GPC5: variants seen among roughly 807,000 people sequenced by gnomAD.
GPC5 encodes glypican-5.
Under a neutral mutation model 53.9 loss-of-function variants are expected in GPC5, and 47 were observed. The ratio of observed to expected loss-of-function variants is 0.87; its 90% CI spans 0.69 to 1.11. The LOEUF is 1.11. Among genes scored for constraint, GPC5 ranks in the 50% most tolerant of loss-of-function variants. The pLI is 0.00. For synonymous variants in GPC5, 286 were observed against 263.3 expected, an observed-to-expected ratio of 1.09 and a Z score of -0.84; for missense variants, 748 against 713.1, an observed-to-expected ratio of 1.05 and a Z score of -0.56.
chr13:92,685,831 C>T (rs200525408), intron 7 of GPC5, among the ~76,000 whole-genome samples: 1,886 of 75,030 alleles, frequency 0.025, 35 homozygotes, highest in African/African-American at 0.057. Context: ...TTTGTTCTTG[C>T]GATAGTTTAC....
At position 91,538,838 on chromosome 13, in the gene GPC5, CT is replaced by C. The variant is rs758821046; in HGVS notation, c.325+89917del. Among the ~76,000 whole-genome samples, 66 of 148,062 alleles carry C rather than the reference CT, an allele frequency of 4.5e-4. 2 individuals are homozygous for C. Among genetic ancestry groups the C allele is most frequent in the Middle Eastern group, 3.4e-3 (1 of 292 alleles). ...ACCTCATGGTCCACCCCGCCCCCCC[CT>C]CAGCCTCCCAAAGTGCTGGGATTAC... On this transcript the variant is annotated intron_variant, in intron 2 of 7. Transcript: ENST00000377067.
chr13:92,155,014 T>G (rs1226318508), intron 7 of GPC5, among the ~76,000 whole-genome samples: 1 of 152,198 alleles, frequency 6.6e-6, no homozygotes. Context: ...ATACTAGAGA[T>G]ACAGAGATAG....
At chr13:91,952,733 G>C (rs935556554) in intron 6 of GPC5, among the ~76,000 whole-genome samples, 16 of 151,340 alleles carry the variant, frequency 1.1e-4, no homozygotes, top group African/African-American at 3.6e-4. Context: ...GCACATTCAA[G>C]AAAAAAAATA....
intron 7 of GPC5, among the ~76,000 whole-genome samples, chr13:92,400,441 C>T (rs544964122): frequency 2.0e-4 from 30 of 152,278 alleles, no homozygotes; most frequent in African/African-American, 7.2e-4. Flanking sequence ...TATGCTTATC[C>T]GTGCCATACA....
At chr13:92,535,508 T>C (rs1368476568) in intron 7 of GPC5, among the ~76,000 whole-genome samples, 2 of 152,062 alleles carry the variant, frequency 1.3e-5, no homozygotes, top group Non-Finnish European at 2.9e-5. Context: ...GAAGCAATCG[T>C]GATGAATGAG....
At chr13:91,932,346 C>T (rs2139033366) in intron 6 of GPC5, among the ~76,000 whole-genome samples, 1 of 152,052 alleles carries the variant, frequency 6.6e-6, no homozygotes, top group East Asian at 1.9e-4. Context: ...GGGCATGAGT[C>T]TAGAAAATTT....
At chr13:92,829,041 C>A (rs9523812) in intron 7 of GPC5, among the ~76,000 whole-genome samples, 2 of 152,088 alleles carry the variant, frequency 1.3e-5, no homozygotes, top group South Asian at 4.2e-4. Flanking sequence ...TGCACCCTCC[C>A]GAGACGTTTA....
chr13:91,511,875 C>T (rs1053278332), intron 2 of GPC5, among the ~76,000 whole-genome samples: 2 of 151,838 alleles, frequency 1.3e-5, no homozygotes, highest in African/African-American at 4.8e-5. Context: ...TGATGGTGGG[C>T]CTTTTTTTGT....
At chr13:92,692,752 C>CTTTTTTTTTTTTTTTT (rs1457273874) in intron 7 of GPC5, among the ~76,000 whole-genome samples, 2 of 61,288 alleles carry the variant, frequency 3.3e-5, no homozygotes, top group South Asian at 6.9e-4. Flanking sequence ...CCAATATCGG[C>CTTTTTTTTTTTTTTTT]TATTTTTTTT....
At chr13:92,589,469 A>G (rs753030785) in intron 7 of GPC5, among the ~76,000 whole-genome samples, 1 of 152,144 alleles carries the variant, frequency 6.6e-6, no homozygotes, top group South Asian at 2.1e-4. Flanking sequence ...ATCCTGCCCC[A>G]TTATGCCCAA....
intron 6 of GPC5, among the ~76,000 whole-genome samples, chr13:91,911,202 A>G (rs1566337356): frequency 6.6e-6 from 1 of 152,134 alleles, no homozygotes; most frequent in Admixed American, 6.6e-5. Flanking sequence ...GGCTCTGGTA[A>G]AGAGTTTATA....
chr13:92,563,117 G>T (rs1882748813), intron 7 of GPC5, among the ~76,000 whole-genome samples: 1 of 151,922 alleles, frequency 6.6e-6, no homozygotes, highest in South Asian at 2.1e-4. Flanking sequence ...TAAAGACCCA[G>T]CATATAGCCA....
At chr13:91,856,642 CT>C (rs1172468003) in intron 5 of GPC5, among the ~76,000 whole-genome samples, 1 of 151,094 alleles carries the variant, frequency 6.6e-6, no homozygotes, top group Non-Finnish European at 1.5e-5. Flanking sequence ...ATTAGGATAA[CT>C]TTTTCTGATT....
chr13:91,696,378 AC>A (rs1447736050), intron 3 of GPC5, among the ~76,000 whole-genome samples: 2 of 152,184 alleles, frequency 1.3e-5, no homozygotes, highest in Admixed American at 1.3e-4. Context: ...TCTAAATAAA[AC>A]AACTGAGTCC....
intron 7 of GPC5, among the ~76,000 whole-genome samples, chr13:92,696,024 G>A (rs1279135579): frequency 6.6e-6 from 1 of 152,286 alleles, no homozygotes; most frequent in South Asian, 2.1e-4. Context: ...AAAAGGACAT[G>A]AACTCATCCT....
chr13:91,586,563 T>TATATAG (rs2032599001), intron 2 of GPC5, among the ~76,000 whole-genome samples: 1 of 41,976 alleles, frequency 2.4e-5, no homozygotes. Context: ...TATATATATG[T>TATATAG]AGAGAGAGAG....
At chr13:92,862,787 T>G (rs1278210135) in intron 7 of GPC5, among the ~76,000 whole-genome samples, 1 of 152,166 alleles carries the variant, frequency 6.6e-6, no homozygotes, top group Admixed American at 6.5e-5. Context: ...ACGAGCAAAT[T>G]AACAATGTAT....
intron 7 of GPC5, among the ~76,000 whole-genome samples, chr13:92,392,161 G>T (rs1875034192): frequency 6.6e-6 from 1 of 152,082 alleles, no homozygotes; most frequent in African/African-American, 2.4e-5. Context: ...ACAATTACTT[G>T]TTTTTCTAAA....
chr13:92,380,677 C>T (rs775162822), intron 7 of GPC5, among the ~76,000 whole-genome samples: 2 of 147,170 alleles, frequency 1.4e-5, no homozygotes, highest in Admixed American at 7.0e-5. Context: ...AGCAAACTAT[C>T]GCAAGAACAA....
Sources: allele counts gnomAD v4.1 joint callset (sites outside exome capture counted in the v4.1 genomes callset), GRCh38; gene constraint gnomAD v4.1.1; transcripts MANE v1.5; gene names NCBI Gene and HGNC (gene_info 2026-07-23, HGNC 2026-07-21).